The following PARD3 variants were observed in gnomAD, a reference collection of about 807,000 sequenced individuals.
The protein encoded by PARD3 is par-3 family cell polarity regulator.
Under a neutral mutation model 155.4 loss-of-function variants are expected in PARD3, and 75 were observed. That is an observed-to-expected ratio of 0.48 (90% CI 0.40 to 0.58). The LOEUF (loss-of-function observed/expected upper bound fraction) is 0.58, where lower values mean the gene tolerates loss of function less well. Among genes scored for constraint, PARD3 ranks in the 20% least tolerant of loss-of-function variants. The pLI is 0.00. For missense variants in PARD3, 1,642 were observed against 1,721.7 expected, an observed-to-expected ratio of 0.95 and a Z score of 0.82; for synonymous variants, 576 against 610.5, an observed-to-expected ratio of 0.94 and a Z score of 0.83.
rs115937750 is a variant in PARD3, at chr10:34,798,602, A to T, written c.120+16274T>A. On this transcript the variant is annotated intron_variant, in intron 1 of 24. Transcript: ENST00000374788. ...TGCCTGTAACCCGAGCCGCTCAGGA[A>T]GCTGAGGCAGGAGAGTCACTAGAAC... 3.4e-3 allele frequency among the ~76,000 whole-genome samples: 516 copies of T among 151,138 alleles called. 2 individuals are homozygous for T. The highest frequency in any genetic ancestry group is 0.012 in the African/African-American group (492 of 41,194).
chr10:34,239,699 A>G (rs562126314), intron 22 of PARD3, among the ~76,000 whole-genome samples: 3 of 151,936 alleles, frequency 2.0e-5, no homozygotes, highest in Non-Finnish European at 4.4e-5. Context: ...GCTACTCAGG[A>G]GACTGCGACA....
At chr10:34,791,361 A>C (rs1303778662) in intron 1 of PARD3, among the ~76,000 whole-genome samples, 1 of 152,138 alleles carries the variant, frequency 6.6e-6, no homozygotes, top group Non-Finnish European at 1.5e-5. Flanking sequence ...CCAAGGCTCC[A>C]AAGCTCCCCA....
chr10:34,695,853 G>A (rs2094161164), intron 2 of PARD3, among the ~76,000 whole-genome samples: 1 of 152,174 alleles, frequency 6.6e-6, no homozygotes, highest in Admixed American at 6.5e-5. Context: ...TAGGCTGCCT[G>A]GGACACACTC....
chr10:34,343,781 C>T (rs1589243588), intron 15 of PARD3: 5 of 984,628 alleles, frequency 5.1e-6, no homozygotes, highest in Non-Finnish European at 6.0e-6. Context: ...GATAGGTAAA[C>T]TTTCCTCTAT....
chr10:34,155,310 G>A (rs957709177), intron 22 of PARD3, among the ~76,000 whole-genome samples: 2 of 152,164 alleles, frequency 1.3e-5, no homozygotes, highest in Admixed American at 6.5e-5. Flanking sequence ...CAGCCTCGAC[G>A]CTCTTCTAAA....
rs148993529 is a variant in PARD3 at position 34,783,344 on chromosome 10, C to T, written c.120+31532G>A. On this transcript the variant is annotated intron_variant, in intron 1 of 24. Transcript: ENST00000374788. Reference sequence around the variant, plus strand: ...CCTCGGCCAGGCACAGTGGCTCACGCCTGTAATCCCAGCACTTTCGGAGGC... The same window carrying T: ...CCTCGGCCAGGCACAGTGGCTCACGTCTGTAATCCCAGCACTTTCGGAGGC... Among the ~76,000 whole-genome samples the T allele has an allele frequency of 2.1e-3, 318 of 151,886 alleles. 2 individuals carry two copies. Among genetic ancestry groups the T allele is most frequent in the African/African-American group, 7.3e-3 (303 of 41,432 alleles).
intron 22 of PARD3, among the ~76,000 whole-genome samples, chr10:34,155,589 A>C (rs960672366): frequency 6.6e-6 from 1 of 152,030 alleles, no homozygotes; most frequent in Non-Finnish European, 1.5e-5. Flanking sequence ...GTCAGGGCAG[A>C]AGATGAACTT....
chr10:34,736,641 TATTA>T (rs71486002), intron 1 of PARD3, among the ~76,000 whole-genome samples: 114 of 127,026 alleles, frequency 9.0e-4, no homozygotes, highest in Non-Finnish European at 1.4e-3. Context: ...TAGGTTACTT[TATTA>T]ATTAATTAAT....
chr10:34,275,628 G>A (rs1341720304), intron 21 of PARD3, among the ~76,000 whole-genome samples: 1 of 152,104 alleles, frequency 6.6e-6, no homozygotes, highest in African/African-American at 2.4e-5. Flanking sequence ...CGACCAAAAG[G>A]TTATATTTGC....
At chr10:34,167,266 C>T (rs879498658) in intron 22 of PARD3, among the ~76,000 whole-genome samples, 10 of 152,146 alleles carry the variant, frequency 6.6e-5, no homozygotes, top group Non-Finnish European at 1.2e-4. Flanking sequence ...CTCAAAATTA[C>T]ACAGAACACC....
rs879820100 is a variant in PARD3, at chr10:34,261,729, G to GAAGA, written c.3419+7927_3419+7928insTCTT. ...GAAAGGAAGGAAGAAAGGAAGAAAG[G>GAAGA]AAGGAAGAAAGGAAGAAAGGAAGGA... On this transcript the variant is annotated intron_variant, in intron 22 of 24. Transcript: ENST00000374788. Among the ~76,000 whole-genome samples the GAAGA allele has an allele frequency of 1.0e-2, 566 of 56,654 alleles. 12 individuals are homozygous for GAAGA. Among genetic ancestry groups the GAAGA allele is most frequent in the East Asian group, 0.078 (272 of 3,496 alleles). 37.2% of individuals were successfully genotyped at this position (56,654 alleles called of 152,430 possible). A position where few individuals can be genotyped will look rare whatever the true frequency, so the allele number is the denominator to read the frequency against.
chr10:34,503,082 T>C (rs1376868875), intron 3 of PARD3, among the ~76,000 whole-genome samples: 1 of 152,218 alleles, frequency 6.6e-6, no homozygotes, highest in African/African-American at 2.4e-5. Flanking sequence ...TTATCAAATA[T>C]TAGTAGATAC....
chr10:34,454,512 T>C (rs909371951), intron 4 of PARD3, among the ~76,000 whole-genome samples: 9 of 152,036 alleles, frequency 5.9e-5, no homozygotes, highest in Admixed American at 4.6e-4. Context: ...ATTATAACTA[T>C]AAATCAAAAA....
intron 2 of PARD3, among the ~76,000 whole-genome samples, chr10:34,533,760 C>T (rs1438230311): frequency 2.0e-5 from 3 of 151,500 alleles, no homozygotes; most frequent in East Asian, 3.9e-4. Flanking sequence ...GAGCCAAGAT[C>T]GCACCACTGC....
chr10:34,128,340 T>G (rs554145366), intron 23 of PARD3, among the ~76,000 whole-genome samples: 21 of 152,252 alleles, frequency 1.4e-4, no homozygotes, highest in Non-Finnish European at 2.2e-4. Flanking sequence ...AAGATCTTTA[T>G]GATGATCCAC....
intron 5 of PARD3, among the ~76,000 whole-genome samples, chr10:34,444,436 C>T (rs1217938927): frequency 6.6e-6 from 1 of 152,174 alleles, no homozygotes; most frequent in South Asian, 2.1e-4. Context: ...GAAACAGTTA[C>T]CATTAAAAAG....
intron 2 of PARD3, among the ~76,000 whole-genome samples, chr10:34,621,936 T>C (rs2091703956): frequency 6.6e-6 from 1 of 152,214 alleles, no homozygotes; most frequent in South Asian, 2.1e-4. Context: ...TCCATGTAAG[T>C]TGAAGAAAAA....
intron 1 of PARD3, among the ~76,000 whole-genome samples, chr10:34,716,609 T>TTG (rs2094525548): frequency 2.5e-5 from 3 of 119,506 alleles, no homozygotes; most frequent in Admixed American, 2.4e-4. Context: ...TTTTTTTTTT[T>TTG]GAGACAGAGT....
chr10:34,372,710 TG>T (rs1295411779), intron 11 of PARD3, among the ~76,000 whole-genome samples, 174 bp from the exon 12 acceptor site: 1 of 145,340 alleles, frequency 6.9e-6, no homozygotes, highest in African/African-American at 2.4e-5. Context: ...ATTTTGCTGA[TG>T]TGTGTGTTTA....
Sources: gnomAD v4.1 joint callset for allele counts (sites outside exome capture counted in the v4.1 genomes callset) on GRCh38, gnomAD v4.1.1 for gene constraint, MANE v1.5 for transcripts, NCBI Gene and HGNC (gene_info 2026-07-23, HGNC 2026-07-21) for gene names.